Variants in VKORC1L1 observed in about 807,000 individuals in gnomAD.
VKORC1L1 encodes the protein vitamin K epoxide reductase complex subunit 1L1, also known as vitamin K epoxide reductase complex subunit 1-like protein 1.
VKORC1L1 carries 2 observed loss-of-function variants against 18.9 expected under a neutral mutation model. That is an observed-to-expected ratio of 0.11 (90% CI 0.04 to 0.33). The LOEUF is 0.33. VKORC1L1 is among the 10% of genes least tolerant of loss of function. VKORC1L1 has a pLI of 1.00. For missense variants in VKORC1L1, 123 were observed against 224.1 expected (o/e 0.55, Z 2.88); for synonymous variants, 96 against 100.0 (o/e 0.96, Z 0.24).
Position 65,958,036 on chromosome 7 carries a change from G to A in VKORC1L1, c.*3736G>A, listed in dbSNP as rs958671811. On this transcript the variant is annotated 3_prime_UTR_variant, in exon 3 of 3. Coordinates refer to ENST00000360768, the MANE Select transcript of VKORC1L1 (RefSeq NM_173517.6). ...ACTGTGATTTCTGGTAACCTATTTG[G>A]GGAAAAAGACCTAATGACCTAATAT... 1.3e-5 allele frequency: 2 copies of A among 151,984 alleles called. No individual in the cohort carries two copies. The highest frequency in any genetic ancestry group is 2.9e-5 in the Non-Finnish European group (2 of 68,000). The allele number at this position is 151,984 out of a possible 1,614,324, so 9.4% of individuals were successfully genotyped here. A position where few individuals can be genotyped will look rare whatever the true frequency, so the allele number is the denominator to read the frequency against.
intron 1 of VKORC1L1, among the ~76,000 whole-genome samples, chr7:65,912,809 T>C (rs912070272): frequency 1.3e-5 from 2 of 152,100 alleles, no homozygotes; most frequent in African/African-American, 4.8e-5. Flanking sequence ...AAATATAAAA[T>C]ATAAAACATA....
At chr7:65,891,220 G>A (rs1179935702) in intron 1 of VKORC1L1, among the ~76,000 whole-genome samples, 1 of 144,542 alleles carries the variant, frequency 6.9e-6, no homozygotes, top group Non-Finnish European at 1.5e-5. Flanking sequence ...CTTATTGATT[G>A]TTTCTAGGTT....
intron 1 of VKORC1L1, among the ~76,000 whole-genome samples, chr7:65,933,815 T>C (rs996031353): frequency 2.6e-5 from 4 of 152,228 alleles, no homozygotes; most frequent in Non-Finnish European, 5.9e-5. Flanking sequence ...TTTTTATCTC[T>C]GTGAATTCTT....
chr7:65,873,582 A>G lies in VKORC1L1; in HGVS notation c.194+17A>G, dbSNP rs553033779. 4.3e-5 allele frequency: 64 copies of G among 1,473,678 alleles called. No individual in the cohort carries two copies. In the East Asian group the frequency reaches 1.4e-3, roughly 32 times the overall value. The allele number at this position is 1,473,678 out of a possible 1,614,324, so 91.3% of individuals were successfully genotyped here. ...TGCCTCCAGGTAGCCGGCTTGGGGG[A>G]GTGGGCCAGGAGCGGCCGAGCGGGG... On this transcript the variant is annotated intron_variant, in intron 1 of 2. Transcript: ENST00000360768.
Position 65,893,141 on chromosome 7 carries a change from A to G in VKORC1L1, c.194+19576A>G, listed in dbSNP as rs1259693030. 2.6e-5 allele frequency among the ~76,000 whole-genome samples: 4 copies of G among 152,156 alleles called. No homozygotes were observed. The East Asian group carries it at 7.7e-4, about 29-fold the overall frequency. On this transcript the variant is annotated intron_variant, in intron 1 of 2. Coordinates refer to ENST00000360768, the MANE Select transcript of VKORC1L1 (RefSeq NM_173517.6). ...TCCAACAGTGCCACTCTTCTCACTC[A>G]TTTTTTTAATCTGTTTTGGAAAACA...
At chr7:65,898,594 T>C (rs1789257911) in intron 1 of VKORC1L1, among the ~76,000 whole-genome samples, 1 of 152,240 alleles carries the variant, frequency 6.6e-6, no homozygotes, top group Admixed American at 6.5e-5. Context: ...ATGCTAACAC[T>C]GGCTGTCTCT....
chr7:65,914,535 A>C (rs929010098), intron 1 of VKORC1L1, among the ~76,000 whole-genome samples: 4 of 152,048 alleles, frequency 2.6e-5, no homozygotes, highest in Admixed American at 1.3e-4. Context: ...CTCTTCCAGC[A>C]CTGCTTTTTA....
intron 1 of VKORC1L1, among the ~76,000 whole-genome samples, chr7:65,937,437 T>C (rs933974712): frequency 4.6e-5 from 7 of 152,318 alleles, no homozygotes; most frequent in African/African-American, 1.7e-4. Context: ...CTCATTCTTT[T>C]AGGCTGGAGT....
At chr7:65,903,969 G>A (rs1789363541) in intron 1 of VKORC1L1, among the ~76,000 whole-genome samples, 1 of 152,074 alleles carries the variant, frequency 6.6e-6, no homozygotes, top group African/African-American at 2.4e-5. Context: ...TTTAAAAGAT[G>A]ACTGCATTGA....
intron 1 of VKORC1L1, among the ~76,000 whole-genome samples, chr7:65,895,480 A>AATATATATATATATAT (rs1162173957): frequency 9.4e-5 from 4 of 42,772 alleles, no homozygotes; most frequent in Non-Finnish European, 1.6e-4. Context: ...AAAAAAAAAA[A>AATATATATATATATAT]ATATATATAT....
At chr7:65,875,368 T>C (rs1343381835) in intron 1 of VKORC1L1, among the ~76,000 whole-genome samples, 1 of 152,126 alleles carries the variant, frequency 6.6e-6, no homozygotes, top group Non-Finnish European at 1.5e-5. Context: ...CTTTTGGAAG[T>C]GTGTAGACAA....
At position 65,920,468 on chromosome 7, in the gene VKORC1L1, G is replaced by T. The variant is rs186930626; in HGVS notation, c.195-28203G>T. Among the ~76,000 whole-genome samples, 21 of 152,248 alleles carry T rather than the reference G, an allele frequency of 1.4e-4. No individual in the cohort carries two copies. The East Asian group carries it at 2.9e-3, about 21-fold the overall frequency. On this transcript the variant is annotated intron_variant, in intron 1 of 2. Transcript: ENST00000360768. ...CCTTCTCCTCCTGGAGCATAGACTG[G>T]TATAGGAGACACCGTTATTGATTAA...
At chr7:65,896,142 G>A (rs1245680057) in intron 1 of VKORC1L1, among the ~76,000 whole-genome samples, 1 of 150,660 alleles carries the variant, frequency 6.6e-6, no homozygotes, top group Non-Finnish European at 1.5e-5. Flanking sequence ...GACCTCAAGT[G>A]ATTCACTCGC....
chr7:65,903,577 G>A (rs1789354657), intron 1 of VKORC1L1, among the ~76,000 whole-genome samples: 1 of 152,164 alleles, frequency 6.6e-6, no homozygotes, highest in Non-Finnish European at 1.5e-5. Context: ...TTTGAGATCA[G>A]CCTGGGTGAC....
chr7:65,895,682 G>T (rs1405645281), intron 1 of VKORC1L1, among the ~76,000 whole-genome samples: 1 of 151,032 alleles, frequency 6.6e-6, no homozygotes, highest in Non-Finnish European at 1.5e-5. Flanking sequence ...TATTAGTGCT[G>T]TGAAATATTA....
At chr7:65,922,643 C>T (rs1389275190) in intron 1 of VKORC1L1, among the ~76,000 whole-genome samples, 3 of 152,174 alleles carry the variant, frequency 2.0e-5, no homozygotes, top group Admixed American at 2.0e-4. Flanking sequence ...AGTTTTTATT[C>T]ATCTGGAGAA....
chr7:65,923,196 G>A (rs892002772), intron 1 of VKORC1L1, among the ~76,000 whole-genome samples: 3 of 152,084 alleles, frequency 2.0e-5, no homozygotes, highest in Non-Finnish European at 4.4e-5. Flanking sequence ...GAGCCCTGAC[G>A]TTCAAGACCA....
rs769173864 is a variant in VKORC1L1 at position 65,954,363 on chromosome 7, G to GTTT, written c.*66_*68dup. The GTTT allele has an allele frequency of 9.0e-5, 138 of 1,525,926 alleles. 1 individual carries two copies. The African/African-American group carries it at 1.5e-3, about 17-fold the overall frequency. 94.5% of individuals were successfully genotyped at this position (1,525,926 alleles called of 1,614,324 possible). On this transcript the variant is annotated 3_prime_UTR_variant, in exon 3 of 3. Transcript: ENST00000360768. ...TTCCATTCAGTTTATTTTGCAGCAG[G>GTTT]TTTTTATTATTATTATTATTATTAT...
intron 1 of VKORC1L1, among the ~76,000 whole-genome samples, chr7:65,881,833 A>G (rs1388967614): frequency 1.3e-5 from 2 of 152,188 alleles, no homozygotes; most frequent in Non-Finnish European, 2.9e-5. Flanking sequence ...TAATCCCAGC[A>G]CTTTGGGAGG....
Sources: gnomAD v4.1 joint callset for allele counts (sites outside exome capture counted in the v4.1 genomes callset) on GRCh38, gnomAD v4.1.1 for gene constraint, MANE v1.5 for transcripts, NCBI Gene and HGNC (gene_info 2026-07-23, HGNC 2026-07-21) for gene names.